HIVEP3: variants seen among roughly 807,000 people sequenced by gnomAD.
HIVEP3 encodes the protein HIVEP zinc finger 3.
HIVEP3 carries 49 observed loss-of-function variants against 152.8 expected under a neutral mutation model. The observed-to-expected ratio is 0.32, with a 90% confidence interval of 0.26 to 0.41. The LOEUF is 0.41. Ranked by LOEUF, HIVEP3 falls within the 10% of genes least tolerant of loss-of-function variation. The pLI is 1.00. For missense variants in HIVEP3, 2,790 were observed against 3,103.3 expected, an observed-to-expected ratio of 0.90 and a Z score of 2.40; for synonymous variants, 1,269 against 1,289.0, an observed-to-expected ratio of 0.98 and a Z score of 0.33.
At chr1:41,987,223 A>G (rs1426287683) in intron 1 of HIVEP3, among the ~76,000 whole-genome samples, 3 of 152,318 alleles carry the variant, frequency 2.0e-5, no homozygotes, top group Admixed American at 2.0e-4. Context: ...CTTACTACCC[A>G]AAGTAATCCA....
chr1:41,730,671 G>A lies in HIVEP3; in HGVS notation c.-800-29676C>T, dbSNP rs58275595. The stretch of plus-strand genomic sequence containing the variant: ...GCACGTTAATAATGCATGGGCAGCC[G>A]GTGTGGGGGCCATCACAGGCCCAAC... On this transcript the variant is annotated intron_variant, in intron 1 of 8. Transcript: ENST00000372583. Among the ~76,000 whole-genome samples the A allele has an allele frequency of 6.3e-3, 967 of 152,368 alleles. 8 individuals are homozygous for A. The highest frequency in any genetic ancestry group is 0.023 in the African/African-American group (940 of 41,582).
chr1:41,607,186 C>T (rs1240330503), intron 3 of HIVEP3, among the ~76,000 whole-genome samples: 1 of 152,074 alleles, frequency 6.6e-6, no homozygotes, highest in African/African-American at 2.4e-5. Context: ...CTACCCACCC[C>T]CTGACTGTCT....
At chr1:41,980,949 G>A (rs1645290423) in intron 1 of HIVEP3, among the ~76,000 whole-genome samples, 1 of 152,338 alleles carries the variant, frequency 6.6e-6, no homozygotes, top group East Asian at 1.9e-4. Flanking sequence ...GCCTGCTGGT[G>A]TCTGGGCCAG....
chr1:41,951,040 T>C (rs1387039046), intron 1 of HIVEP3, among the ~76,000 whole-genome samples: 1 of 152,222 alleles, frequency 6.6e-6, no homozygotes, highest in Non-Finnish European at 1.5e-5. Context: ...TCCCCTAGTT[T>C]CTGCTCCTGA....
intron 1 of HIVEP3, among the ~76,000 whole-genome samples, chr1:41,976,323 G>A (rs1252156971): frequency 6.6e-6 from 1 of 152,156 alleles, no homozygotes; most frequent in Non-Finnish European, 1.5e-5. Flanking sequence ...GCTCAGAGGG[G>A]ATGAGCAATT....
chr1:41,762,513 T>C (rs565550609), intron 1 of HIVEP3, among the ~76,000 whole-genome samples: 37 of 152,338 alleles, frequency 2.4e-4, no homozygotes, highest in African/African-American at 8.9e-4. Flanking sequence ...ACACCTGCTC[T>C]GGGGCTTCAG....
intron 1 of HIVEP3, among the ~76,000 whole-genome samples, chr1:41,795,850 T>C (rs1018375996): frequency 4.3e-4 from 65 of 152,340 alleles, no homozygotes; most frequent in African/African-American, 1.5e-3. Flanking sequence ...CCTTACTTTC[T>C]GGAACTACAA....
intron 3 of HIVEP3, among the ~76,000 whole-genome samples, chr1:41,595,828 C>T (rs1644657937): frequency 6.6e-6 from 1 of 152,180 alleles, no homozygotes; most frequent in African/African-American, 2.4e-5. Context: ...GCTTCCTGCC[C>T]TCAAACATTG....
At chr1:41,649,404 T>C (rs1021109792) in intron 2 of HIVEP3, among the ~76,000 whole-genome samples, 19 of 152,228 alleles carry the variant, frequency 1.2e-4, no homozygotes, top group African/African-American at 4.1e-4. Flanking sequence ...CCCACCATGA[T>C]TCTGTTGCAG....
chr1:41,700,907 A>G lies in HIVEP3; in HGVS notation c.-721+9T>C. On this transcript the variant is annotated intron_variant, in intron 2 of 8. Coordinates refer to ENST00000372583, the MANE Select transcript of HIVEP3 (RefSeq NM_024503.5). Reference sequence around the variant, plus strand: ...GCCCTGTGTCCTGTGGGGGATGGGGAGGGCTCACCTGCCAAAAACCAGCCG... The same window carrying G: ...GCCCTGTGTCCTGTGGGGGATGGGGGGGGCTCACCTGCCAAAAACCAGCCG... 1.0e-6 allele frequency: 1 copy of G among 980,534 alleles called. No homozygotes were observed. The highest frequency in any genetic ancestry group is 1.2e-6 in the Non-Finnish European group (1 of 825,620). The allele number at this position is 980,534 out of a possible 1,614,324, so 60.7% of individuals were successfully genotyped here.
chr1:41,637,371 T>C (rs1028776099), intron 2 of HIVEP3, among the ~76,000 whole-genome samples: 25 of 152,218 alleles, frequency 1.6e-4, no homozygotes, highest in African/African-American at 3.6e-4. Context: ...CAGAGATTCA[T>C]TGTGGCTTTG....
chr1:41,706,075 C>A (rs1009230651), intron 1 of HIVEP3, among the ~76,000 whole-genome samples: 1 of 152,178 alleles, frequency 6.6e-6, no homozygotes, highest in African/African-American at 2.4e-5. Context: ...TGACAGCCTG[C>A]AGGACAAATC....
chr1:41,632,420 A>G (rs1189256141), intron 2 of HIVEP3, among the ~76,000 whole-genome samples: 1 of 152,178 alleles, frequency 6.6e-6, no homozygotes. Context: ...AAGAAAGAGG[A>G]TATTTAAAAC....
chr1:41,758,665 T>C (rs1254591075), intron 1 of HIVEP3, among the ~76,000 whole-genome samples: 2 of 152,238 alleles, frequency 1.3e-5, no homozygotes, highest in South Asian at 2.1e-4. Context: ...TTGTGATACA[T>C]TGTGGGGTTT....
chr1:41,623,307 G>C (rs1282912908), intron 3 of HIVEP3, among the ~76,000 whole-genome samples: 1 of 152,182 alleles, frequency 6.6e-6, no homozygotes, highest in African/African-American at 2.4e-5. Flanking sequence ...CAGAAACAAG[G>C]CTGCCCCTCT....
intron 6 of HIVEP3, among the ~76,000 whole-genome samples, chr1:41,521,042 T>C (rs1642746789): frequency 2.0e-5 from 3 of 152,220 alleles, no homozygotes; most frequent in Admixed American, 2.0e-4. Context: ...GGAACCTAGA[T>C]GGAACCTGGC....
chr1:41,570,677 A>G (rs919280961), intron 5 of HIVEP3, among the ~76,000 whole-genome samples: 9 of 152,238 alleles, frequency 5.9e-5, no homozygotes, highest in Non-Finnish European at 1.5e-5. Flanking sequence ...AAAGTCCTGC[A>G]TGGACGAGCG....
intron 1 of HIVEP3, among the ~76,000 whole-genome samples, chr1:41,817,301 G>GACAATAATT (rs1205068653): frequency 1.9e-4 from 29 of 152,300 alleles, no homozygotes; most frequent in Admixed American, 7.2e-4. Flanking sequence ...ACATCAGACA[G>GACAATAATT]ACAATAATTT....
chr1:41,900,004 C>A (rs1644594937), intron 1 of HIVEP3, among the ~76,000 whole-genome samples: 1 of 152,142 alleles, frequency 6.6e-6, no homozygotes, highest in Admixed American at 6.5e-5. Flanking sequence ...AAAGCCCTGC[C>A]CTAAAGCAGA....
Sources: allele counts gnomAD v4.1 joint callset (sites outside exome capture counted in the v4.1 genomes callset), GRCh38; gene constraint gnomAD v4.1.1; transcripts MANE v1.5; gene names NCBI Gene and HGNC (gene_info 2026-07-23, HGNC 2026-07-21).